Variants in ITPR1 observed in about 807,000 individuals in gnomAD.
The protein encoded by ITPR1 is inositol 1,4,5-trisphosphate-gated calcium channel ITPR1.
A neutral mutation model predicts 318.4 loss-of-function variants in ITPR1; 96 were observed. That is an observed-to-expected ratio of 0.30 (90% CI 0.26 to 0.36). ITPR1 has a LOEUF of 0.36. ITPR1 is among the 10% of genes least tolerant of loss of function. ITPR1 has a pLI of 1.00. For missense variants in ITPR1, 2,440 were observed against 3,460.2 expected (o/e 0.71, Z 7.40); for synonymous variants, 1,312 against 1,289.9 (o/e 1.02, Z -0.37).
rs544849490 is a variant in ITPR1 at position 4,743,019 on chromosome 3, A to G, written c.5544+7665A>G. Among the ~76,000 whole-genome samples, 7 of 152,358 alleles carry G rather than the reference A, an allele frequency of 4.6e-5. No homozygotes were observed. The South Asian group carries it at 1.0e-3, about 23-fold the overall frequency. ...GTACAGGTTATTTAGGTTGGTGCAA[A>G]AGTAATTGCGGTTTTTGCCACTAAT... is the stretch of plus-strand genomic sequence containing the variant. On this transcript the variant is annotated intron_variant, in intron 44 of 61. Transcript: ENST00000649015.
At chr3:4,566,015 G>A (rs1225052394) in intron 4 of ITPR1, among the ~76,000 whole-genome samples, 1 of 152,094 alleles carries the variant, frequency 6.6e-6, no homozygotes, top group Non-Finnish European at 1.5e-5. Flanking sequence ...CGTAATGCTG[G>A]CCCCGTCTTG....
intron 1 of ITPR1, among the ~76,000 whole-genome samples, chr3:4,494,169 C>T (rs2080368510): frequency 6.6e-6 from 1 of 152,232 alleles, no homozygotes; most frequent in African/African-American, 2.4e-5. Context: ...CCAAACACTT[C>T]CCTTAGTTCC....
chr3:4,718,936 T>G (rs981021403), intron 40 of ITPR1, among the ~76,000 whole-genome samples: 1 of 152,266 alleles, frequency 6.6e-6, no homozygotes, highest in Non-Finnish European at 1.5e-5. Flanking sequence ...TTTAAATTTT[T>G]CCTCTGAAAT....
chr3:4,501,534 C>T (rs1476100375), intron 2 of ITPR1, among the ~76,000 whole-genome samples: 1 of 152,246 alleles, frequency 6.6e-6, no homozygotes, highest in African/African-American at 2.4e-5. Flanking sequence ...TGGAGGATGC[C>T]TGTCCCTGTG....
intron 14 of ITPR1, 109 bp downstream of exon 14, chr3:4,661,196 G>A (rs1339174478): frequency 6.4e-6 from 4 of 620,614 alleles, no homozygotes; most frequent in African/African-American, 1.8e-5. Context: ...TTGCTTTGGC[G>A]AGAGTGTGGT....
intron 4 of ITPR1, among the ~76,000 whole-genome samples, chr3:4,612,773 G>A (rs2092212825): frequency 6.6e-6 from 1 of 152,122 alleles, no homozygotes; most frequent in Admixed American, 6.5e-5. Context: ...TGTAATCCCA[G>A]CTACTGGGGA....
At chr3:4,724,976 A>G (rs1226866685) in intron 40 of ITPR1, among the ~76,000 whole-genome samples, 1 of 152,124 alleles carries the variant, frequency 6.6e-6, no homozygotes, top group Non-Finnish European at 1.5e-5. Flanking sequence ...TCCCAGAGAC[A>G]CTGGAGCAGG....
intron 15 of ITPR1, among the ~76,000 whole-genome samples, chr3:4,662,652 G>C: frequency 6.6e-6 from 1 of 152,154 alleles, no homozygotes; most frequent in South Asian, 2.1e-4. Flanking sequence ...GAACCCAGGA[G>C]GCGGAGGTTA....
At chr3:4,538,784 C>T (rs1258114751) in intron 4 of ITPR1, among the ~76,000 whole-genome samples, 1 of 152,112 alleles carries the variant, frequency 6.6e-6, no homozygotes, top group African/African-American at 2.4e-5. Context: ...GAACAGAAAA[C>T]CAAACATTGC....
At chr3:4,681,485 C>T (rs541293625) in intron 26 of ITPR1, 67 bp downstream of exon 26, 880 of 1,064,914 alleles carry the variant, frequency 8.3e-4, no homozygotes, top group Admixed American at 2.4e-3. Context: ...GAGGCCTTCC[C>T]TTTATTATGT....
chr3:4,787,821 T>G (rs999402737), intron 51 of ITPR1, 126 bp from the exon 52 acceptor site: 3 of 631,548 alleles, frequency 4.8e-6, no homozygotes, highest in African/African-American at 3.8e-5. Context: ...CAGCCCAGTT[T>G]GGGGTTATAA....
At chr3:4,505,951 A>C (rs1338137195) in intron 2 of ITPR1, among the ~76,000 whole-genome samples, 1 of 152,244 alleles carries the variant, frequency 6.6e-6, no homozygotes, top group Non-Finnish European at 1.5e-5. Context: ...TAAGAAGTTT[A>C]GAAAGAGTAG....
chr3:4,612,341 C>T (rs372607219), intron 4 of ITPR1, among the ~76,000 whole-genome samples: 6 of 152,036 alleles, frequency 3.9e-5, no homozygotes, highest in East Asian at 3.9e-4. Context: ...GGATTACAGG[C>T]GTGAGCTGCC....
intron 41 of ITPR1, 63 bp downstream of exon 41, chr3:4,725,644 C>G: frequency 4.3e-6 from 6 of 1,401,034 alleles, no homozygotes; most frequent in Middle Eastern, 1.7e-4. Context: ...CTCAGTTGTC[C>G]TGGTTGGGTG....
intron 51 of ITPR1, among the ~76,000 whole-genome samples, chr3:4,785,632 T>A (rs974551320): frequency 1.3e-5 from 2 of 152,216 alleles, no homozygotes; most frequent in African/African-American, 4.8e-5. Context: ...TCTAGAGCCC[T>A]TAAAAGGCGA....
At chr3:4,774,663 C>G (rs1186958983) in intron 46 of ITPR1, among the ~76,000 whole-genome samples, 1 of 152,216 alleles carries the variant, frequency 6.6e-6, no homozygotes, top group Non-Finnish European at 1.5e-5. Flanking sequence ...AACACCTGCT[C>G]AGGCACATGC....
At chr3:4,841,429 A>G (rs553159195) in intron 61 of ITPR1, among the ~76,000 whole-genome samples, 1 of 152,368 alleles carries the variant, frequency 6.6e-6, no homozygotes, top group South Asian at 2.1e-4. Flanking sequence ...TGGCATGCTC[A>G]AGGAATGGCA....
At chr3:4,715,145 A>G (rs977955727) in intron 39 of ITPR1, among the ~76,000 whole-genome samples, 3 of 152,228 alleles carry the variant, frequency 2.0e-5, no homozygotes, top group Non-Finnish European at 4.4e-5. Context: ...TACATAGTTA[A>G]TTACAAGGCA....
At chr3:4,656,908 G>C (rs1314006388) in intron 12 of ITPR1, among the ~76,000 whole-genome samples, 1 of 152,214 alleles carries the variant, frequency 6.6e-6, no homozygotes, top group Non-Finnish European at 1.5e-5. Flanking sequence ...GGCTGAGCGC[G>C]AGCTGGCCAG....
Sources: gnomAD v4.1 joint callset for allele counts (sites outside exome capture counted in the v4.1 genomes callset) on GRCh38, gnomAD v4.1.1 for gene constraint, MANE v1.5 for transcripts, NCBI Gene and HGNC (gene_info 2026-07-23, HGNC 2026-07-21) for gene names.